The following ADAMTS18 variants were observed in gnomAD, a reference collection of about 807,000 sequenced individuals.
The protein encoded by ADAMTS18 is ADAM metallopeptidase with thrombospondin type 1 motif 18, also known as A disintegrin and metalloproteinase with thrombospondin motifs 18.
Under a neutral mutation model 165.9 loss-of-function variants are expected in ADAMTS18, and 157 were observed. The observed-to-expected ratio is 0.95, with a 90% CI of 0.83 to 1.08. The LOEUF (loss-of-function observed/expected upper bound fraction) is 1.08. ADAMTS18 is among the 50% of genes least tolerant of loss of function. The pLI, the probability that ADAMTS18 is intolerant of heterozygous loss-of-function variation, is 0.00. For missense variants in ADAMTS18, 2,040 were observed against 1,534.0 expected (o/e 1.33, Z -5.51); for synonymous variants, 782 against 578.2 (o/e 1.35, Z -5.06).
At chr16:77,323,205 T>C (rs974207620) in intron 13 of ADAMTS18, among the ~76,000 whole-genome samples, 2 of 152,192 alleles carry the variant, frequency 1.3e-5, no homozygotes, top group African/African-American at 4.8e-5. Context: ...AGAGCTCTTC[T>C]TGGCCAGGAA....
chr16:77,387,164 G>C (rs963795594), intron 3 of ADAMTS18, among the ~76,000 whole-genome samples: 1 of 152,152 alleles, frequency 6.6e-6, no homozygotes, highest in African/African-American at 2.4e-5. Context: ...TGTATGCAGT[G>C]ATTTCCAACT....
chr16:77,401,108 A>G (rs1218214271), intron 3 of ADAMTS18, among the ~76,000 whole-genome samples: 2 of 152,042 alleles, frequency 1.3e-5, no homozygotes, highest in Non-Finnish European at 2.9e-5. Context: ...ATACAAAATT[A>G]GCCAGGCGTG....
At chr16:77,354,289 G>A (rs2056597484) in intron 9 of ADAMTS18, among the ~76,000 whole-genome samples, 1 of 152,170 alleles carries the variant, frequency 6.6e-6, no homozygotes, top group African/African-American at 2.4e-5. Context: ...CACAGTACCT[G>A]TCTTCATGGA....
At chr16:77,347,367 T>C (rs1274292246) in intron 10 of ADAMTS18, among the ~76,000 whole-genome samples, 2 of 152,172 alleles carry the variant, frequency 1.3e-5, no homozygotes, top group Admixed American at 6.5e-5. Context: ...CTTTCTACAT[T>C]GAAACAACTC....
chr16:77,431,210 A>G lies in ADAMTS18; in HGVS notation c.495+85T>C, dbSNP rs531918920. ...GTGTGAATGTGTGGAGTTGGCTGGA[A>G]GAGCATTTATATTGCAGACATCTGT... On this transcript the variant is annotated intron_variant, in intron 3 of 22. Transcript: ENST00000282849. The G allele has an allele frequency of 2.1e-6, 3 of 1,450,532 alleles. No individual in the cohort carries two copies. The Admixed American group carries it at 5.1e-5, about 25-fold the overall frequency. The allele number at this position is 1,450,532 out of a possible 1,614,324, so 89.9% of individuals were successfully genotyped here.
Position 77,337,270 on chromosome 16 carries a change from G to A in ADAMTS18, c.1711-1366C>T, listed in dbSNP as rs142417489. Among the ~76,000 whole-genome samples the A allele has an allele frequency of 7.9e-4, 120 of 152,202 alleles. 1 individual carries two copies. Among genetic ancestry groups the A allele is most frequent in the African/African-American group, 2.7e-3 (114 of 41,522 alleles). ...GCATCTTTTCTACCGGGAATCACGA[G>A]GACTCTACTGGACTGAGTTCAGTGG... On this transcript the variant is annotated intron_variant, in intron 11 of 22. Coordinates refer to ENST00000282849, the MANE Select transcript of ADAMTS18 (RefSeq NM_199355.4).
intron 11 of ADAMTS18, among the ~76,000 whole-genome samples, chr16:77,339,080 TAC>T (rs1243270701): frequency 6.6e-6 from 1 of 152,126 alleles, no homozygotes; most frequent in Non-Finnish European, 1.5e-5. Flanking sequence ...GGGTTCCAGT[TAC>T]AGAGAAACAA....
Position 77,325,858 on chromosome 16 carries a change from C to T in ADAMTS18, c.2032+8G>A. ...AGACTTATTTGAATGTCATAGAGAC[C>T]AAATTACCTTCCACTTTTGTATAGG... On this transcript the variant is annotated splice_region_variant and intron_variant, in intron 13 of 22. Coordinates refer to ENST00000282849, the MANE Select transcript of ADAMTS18 (RefSeq NM_199355.4). The T allele has an allele frequency of 1.2e-6, 2 of 1,612,142 alleles. No individual in the cohort carries two copies. Among genetic ancestry groups the T allele is most frequent in the Non-Finnish European group, 1.7e-6 (2 of 1,178,594 alleles).
Position 77,434,356 on chromosome 16 carries a change from G to C in ADAMTS18, c.178+62C>G, listed in dbSNP as rs2057771304. ...CGCTTTTCCATCTTTTCTCTCTTTG[G>C]GGGAAGGAAGGGTCAAAGTGCTGCG... On this transcript the variant is annotated intron_variant, in intron 2 of 22. Coordinates refer to ENST00000282849, the MANE Select transcript of ADAMTS18 (RefSeq NM_199355.4). 3.9e-6 allele frequency: 6 copies of C among 1,522,104 alleles called. No homozygotes were observed. In the South Asian group the frequency reaches 6.0e-5, roughly 15 times the overall value. The allele number at this position is 1,522,104 out of a possible 1,614,324, so 94.3% of individuals were successfully genotyped here.
chr16:77,408,472 T>G (rs1597237967), intron 3 of ADAMTS18, among the ~76,000 whole-genome samples: 1 of 151,964 alleles, frequency 6.6e-6, no homozygotes, highest in Non-Finnish European at 1.5e-5. Flanking sequence ...AACAAAAAAA[T>G]AGATAAATAG....
rs2144868051 is a variant in ADAMTS18 at position 77,431,400 on chromosome 16, A to G, written c.390T>C (p.Asp130=). The stretch of plus-strand genomic sequence containing the variant: ...CGGGTTTCTGAGTCTCTGAAGCACC[A>G]TCTTTTCCAAGTACCTGGACAATAA... ...SHFIVQVLGK[D]GASETQKPEV... The change falls in exon 3 of 23, where the codon GAT becomes GAC. Residue 130 remains aspartate, a synonymous_variant. Coordinates refer to ENST00000282849, the MANE Select transcript of ADAMTS18 (RefSeq NM_199355.4). 6.2e-7 allele frequency: 1 copy of G among 1,614,198 alleles called. No individual in the cohort carries two copies.
At chr16:77,387,589 A>T (rs2057127057) in intron 3 of ADAMTS18, among the ~76,000 whole-genome samples, 1 of 152,178 alleles carries the variant, frequency 6.6e-6, no homozygotes, top group Non-Finnish European at 1.5e-5. Flanking sequence ...TTTGAATGCA[A>T]ACTGCTTCCA....
chr16:77,318,623 C>T (rs1484495172), intron 16 of ADAMTS18, among the ~76,000 whole-genome samples: 2 of 152,130 alleles, frequency 1.3e-5, no homozygotes, highest in African/African-American at 2.4e-5. Flanking sequence ...TTACACTGAT[C>T]CTGTGTTTAT....
intron 10 of ADAMTS18, among the ~76,000 whole-genome samples, chr16:77,351,209 T>A (rs1476584874): frequency 6.6e-6 from 1 of 152,184 alleles, no homozygotes; most frequent in African/African-American, 2.4e-5. Flanking sequence ...AGCTTCAGAA[T>A]CTATCAAACC....
chr16:77,317,152 A>G (rs1198691628), intron 16 of ADAMTS18, among the ~76,000 whole-genome samples: 2 of 152,042 alleles, frequency 1.3e-5, no homozygotes, highest in Non-Finnish European at 2.9e-5. Flanking sequence ...ACCTACCACA[A>G]TCTGTACATC....
At chr16:77,324,993 C>T (rs1173415897) in intron 13 of ADAMTS18, among the ~76,000 whole-genome samples, 1 of 151,440 alleles carries the variant, frequency 6.6e-6, no homozygotes, top group Non-Finnish European at 1.5e-5. Context: ...ACAATCCTCT[C>T]TTTCGATTTG....
chr16:77,356,092 A>G lies in ADAMTS18; in HGVS notation c.1323-15T>C. 6.2e-7 allele frequency: 1 copy of G among 1,614,074 alleles called. No homozygotes were observed. Among genetic ancestry groups the G allele is most frequent in the Non-Finnish European group, 8.5e-7 (1 of 1,179,916 alleles). On this transcript the variant is annotated splice_polypyrimidine_tract_variant and intron_variant, in intron 8 of 22. Coordinates refer to ENST00000282849, the MANE Select transcript of ADAMTS18 (RefSeq NM_199355.4). ...TCATACCAAAGCTGAAACAGAATGAAGAAAACAAAATCCTGCTTTGTGAAC... is the reference window on the plus strand; with the variant it reads ...TCATACCAAAGCTGAAACAGAATGAGGAAAACAAAATCCTGCTTTGTGAAC...
intron 12 of ADAMTS18, among the ~76,000 whole-genome samples, chr16:77,330,477 C>T (rs974567936): frequency 6.6e-6 from 1 of 152,152 alleles, no homozygotes; most frequent in African/African-American, 2.4e-5. Flanking sequence ...GTGAATGGGG[C>T]CCTCTTCCTC....
chr16:77,386,242 A>G (rs531049001), intron 3 of ADAMTS18, among the ~76,000 whole-genome samples: 1 of 152,360 alleles, frequency 6.6e-6, no homozygotes, highest in South Asian at 2.1e-4. Context: ...TAAGGGGCTC[A>G]GAGCTCATCA....
Sources: allele counts gnomAD v4.1 joint callset (sites outside exome capture counted in the v4.1 genomes callset), GRCh38; gene constraint gnomAD v4.1.1; transcripts MANE v1.5; gene names NCBI Gene and HGNC (gene_info 2026-07-23, HGNC 2026-07-21).